The following RET variants were observed in gnomAD, a reference collection of about 807,000 sequenced individuals.
RET encodes the protein proto-oncogene tyrosine-protein kinase receptor Ret.
Under a neutral mutation model 118.3 loss-of-function variants are expected in RET, and 19 were observed. That is an observed-to-expected ratio of 0.16 (90% CI 0.11 to 0.24). The LOEUF (loss-of-function observed/expected upper bound fraction) is 0.24. Ranked by LOEUF, RET falls within the 10% of genes least tolerant of loss-of-function variation. RET has a pLI of 1.00. For synonymous variants in RET, 597 were observed against 644.1 expected (o/e 0.93, Z 1.11); for missense variants, 1,219 against 1,502.1 (o/e 0.81, Z 3.12).
At chr10:43,116,051 G>A (rs116721814) in intron 11 of RET, among the ~76,000 whole-genome samples, 2,082 of 152,302 alleles carry the variant, frequency 0.014, 47 homozygotes, top group African/African-American at 0.047. Context: ...GAAGGCATCC[G>A]GAGCAGTCCC....
At chr10:43,079,645 G>A (rs1436361814) in intron 1 of RET, among the ~76,000 whole-genome samples, 1 of 152,108 alleles carries the variant, frequency 6.6e-6, no homozygotes, top group Admixed American at 6.5e-5. Context: ...TGACTTCTTG[G>A]GTCCTGTTTT....
intron 9 of RET, 47 bp from the exon 10 acceptor site, chr10:43,113,509 G>A (rs768400514): frequency 3.2e-6 from 5 of 1,565,564 alleles, no homozygotes; most frequent in Non-Finnish European, 3.4e-6. Flanking sequence ...GGGCGCCTGG[G>A]GTGGTCAGGC....
In RET at chr10:43,106,455, G is replaced by A. The variant is rs1060499894; in HGVS notation, c.947G>A (p.Ser316Asn). Residue 316 changes from serine (S) to asparagine (N), a missense_variant, in exon 5 of 20, where the codon AGC becomes AAC. Physicochemically the swap from Ser to Asn is conservative, Grantham distance 46 (BLOSUM62 1). Around this residue, in one of 5 missense-constraint regions of RET, gnomAD observed 850 missense variants for 969.6 expected, o/e 0.88. Transcript: ENST00000355710. The surrounding 1 kb of genome is among the most constrained non-coding windows in gnomAD (Gnocchi z 5.1). ...ASGELVRRYT[S>N]TLLPGDTWAQ... ...GGGGAGCTGGTGAGGCGGTACACAA[G>A]CACGCTGCTCCCCGGGGACACCTGG... 1 of 1,613,498 alleles carries A rather than the reference G, an allele frequency of 6.2e-7. No homozygotes were observed. Among genetic ancestry groups the A allele is most frequent in the Non-Finnish European group, 8.5e-7 (1 of 1,179,812 alleles).
chr10:43,127,027 C>T (rs750090543), intron 19 of RET: 30 of 1,300,086 alleles, frequency 2.3e-5, no homozygotes, highest in Non-Finnish European at 2.8e-5. Context: ...TTGAATAAGG[C>T]GCTTCTGGGG....
rs2132682526 is a variant in RET, at chr10:43,102,519, C to G, written c.515C>G (p.Pro172Arg). 1 of 1,614,214 alleles carries G rather than the reference C, an allele frequency of 6.2e-7. No homozygotes were observed. The highest frequency in any genetic ancestry group is 8.5e-7 in the Non-Finnish European group (1 of 1,180,052). The change falls in exon 3 of 20, where the codon CCC (proline) becomes CGC (arginine). Residue 172 changes from proline to arginine, a missense_variant. Coordinates refer to ENST00000355710, the MANE Select transcript of RET (RefSeq NM_020975.6). ...PRELCFPETR[P>R]SFRIRENRPP... ...GAGCTCTGCTTCCCAGAGACAAGGCCCTCCTTCCGCATTCGGGAGAACCGA... is the reference window on the plus strand; with the variant it reads ...GAGCTCTGCTTCCCAGAGACAAGGCGCTCCTTCCGCATTCGGGAGAACCGA...
chr10:43,098,382 A>G (rs1837565244), intron 1 of RET, among the ~76,000 whole-genome samples: 1 of 150,276 alleles, frequency 6.7e-6, no homozygotes, highest in Non-Finnish European at 1.5e-5. Context: ...AATGTGCTCA[A>G]GGGTTATCAG....
At chr10:43,108,182 CAA>C (rs1265403086) in intron 5 of RET, among the ~76,000 whole-genome samples, 7 of 110,554 alleles carry the variant, frequency 6.3e-5, no homozygotes, top group Admixed American at 9.0e-5. Context: ...CCTGTCTCTA[CAA>C]AAAAAAAAAA....
intron 15 of RET, among the ~76,000 whole-genome samples, chr10:43,120,922 C>T (rs1838201532): frequency 8.2e-6 from 1 of 122,604 alleles, no homozygotes; most frequent in Non-Finnish European, 1.7e-5. Context: ...AGAGCAGACC[C>T]TGCTCAAAAA....
In RET at chr10:43,086,714, GAAGCAACTGCC is replaced by G. The variant is rs368137511; in HGVS notation, c.73+9385_73+9395del. 1.9e-3 allele frequency among the ~76,000 whole-genome samples: 286 copies of G among 152,376 alleles called. 1 individual carries two copies. Among genetic ancestry groups the G allele is most frequent in the African/African-American group, 6.2e-3 (257 of 41,596 alleles). On this transcript the variant is annotated intron_variant, in intron 1 of 19. Transcript: ENST00000355710. ...GGCAGTTTCCTTTGCATAGAAGCCG[GAAGCAACTGCC>G]AGTGAGGCTGGTGATTAACTCTGCA...
intron 3 of RET, among the ~76,000 whole-genome samples, chr10:43,104,062 C>G (rs115396952): frequency 6.6e-6 from 1 of 152,186 alleles, no homozygotes; most frequent in Non-Finnish European, 1.5e-5. Flanking sequence ...ATGCAGGGCA[C>G]GGAGCATTCG....
intron 1 of RET, among the ~76,000 whole-genome samples, chr10:43,098,566 C>T (rs980551504): frequency 2.0e-5 from 3 of 152,012 alleles, no homozygotes; most frequent in South Asian, 2.1e-4. Flanking sequence ...AGATTATAGG[C>T]GCCCGCCTTC....
chr10:43,126,536 G>A (rs368540162), intron 18 of RET, 39 bp from the exon 19 acceptor site: 235 of 1,563,444 alleles, frequency 1.5e-4, no homozygotes, highest in Non-Finnish European at 2.0e-4. Context: ...TCTAGTTGTG[G>A]CACATGGCTT....
At chr10:43,099,711 C>T in intron 1 of RET, among the ~76,000 whole-genome samples, 1 of 152,204 alleles carries the variant, frequency 6.6e-6, no homozygotes, top group East Asian at 1.9e-4. Flanking sequence ...TCCCCCACAC[C>T]CCCGCCTGCC....
Position 43,128,448 on chromosome 10 carries a change from T to C in RET, c.*179T>C. On this transcript the variant is annotated 3_prime_UTR_variant, in exon 20 of 20. Transcript: ENST00000355710. ...AGGTGGTTTTACTTCTGATAGCCGG[T>C]GATTTTCCCTCCTAGCAGACATGCC... 1.4e-6 allele frequency: 1 copy of C among 700,754 alleles called. No homozygotes were observed. Among genetic ancestry groups the C allele is most frequent in the Non-Finnish European group, 2.5e-6 (1 of 397,434 alleles). The allele number at this position is 700,754 out of a possible 1,614,324, so 43.4% of individuals were successfully genotyped here. A position where few individuals can be genotyped will look rare whatever the true frequency, so the allele number is the denominator to read the frequency against.
chr10:43,119,759 G>C lies in RET; in HGVS notation c.2607+14G>C. On this transcript the variant is annotated intron_variant, in intron 14 of 19. Transcript: ENST00000355710. ...GCCGAGATGAAGGTGCGTGCATATG[G>C]CTCTGCACCCAGCCAGCCCCGGCCA... The C allele has an allele frequency of 1.2e-6, 2 of 1,611,042 alleles. No individual in the cohort carries two copies. Among genetic ancestry groups the C allele is most frequent in the Non-Finnish European group, 1.7e-6 (2 of 1,179,000 alleles).
chr10:43,084,733 G>C (rs1681368646), intron 1 of RET, among the ~76,000 whole-genome samples: 1 of 152,172 alleles, frequency 6.6e-6, no homozygotes, highest in Admixed American at 6.5e-5. Flanking sequence ...AGGACCTTGA[G>C]GACATTCTCG....
At chr10:43,113,355 C>T (rs1203099237) in intron 9 of RET, among the ~76,000 whole-genome samples, 1 of 152,180 alleles carries the variant, frequency 6.6e-6, no homozygotes. Context: ...TAGGAGGGGG[C>T]CTGGCTTCAC....
rs190750926 is a variant in RET at position 43,111,317 on chromosome 10, C to T, written c.1374C>T (p.Ala458=). The change falls in exon 7 of 20, where the codon GCC becomes GCT. Residue 458 remains alanine, a synonymous_variant. Coordinates refer to ENST00000355710, the MANE Select transcript of RET (RefSeq NM_020975.6). ...NCSTLGVVTS[A]EDTSGILFVN... Reference sequence around the variant, plus strand: ...GCACGCTAGGGGTGGTCACCTCAGCCGAGGACACCTCGGGGATCCTGTTTG... The same window carrying T: ...GCACGCTAGGGGTGGTCACCTCAGCTGAGGACACCTCGGGGATCCTGTTTG... 7 of 1,614,134 alleles carry T rather than the reference C, an allele frequency of 4.3e-6. No individual in the cohort carries two copies. The South Asian group carries it at 5.5e-5, about 13-fold the overall frequency.
chr10:43,077,405 C>G (rs1837071105), intron 1 of RET, 74 bp downstream of exon 1: 1 of 1,452,044 alleles, frequency 6.9e-7, no homozygotes, highest in Non-Finnish European at 9.1e-7. Context: ...CGGGCGCGTT[C>G]AGAAGCGCCT....
Sources: gnomAD v4.1 joint callset for allele counts (sites outside exome capture counted in the v4.1 genomes callset) on GRCh38, gnomAD v4.1.1 for gene constraint, gnomAD v4.1.1 regional missense constraint, Gnocchi (gnomAD v3.1) non-coding constraint, MANE v1.5 for transcripts, NCBI Gene and HGNC (gene_info 2026-07-23, HGNC 2026-07-21) for gene names.